The following SLC8A1 variants were observed in gnomAD, a reference collection of about 807,000 sequenced individuals.
SLC8A1 encodes the protein sodium/calcium exchanger 1.
A neutral mutation model predicts 68.3 loss-of-function variants in SLC8A1; 18 were observed. The observed-to-expected ratio is 0.26, with a 90% CI of 0.18 to 0.39. The LOEUF (loss-of-function observed/expected upper bound fraction) is 0.39. SLC8A1 is among the 10% of genes least tolerant of loss of function. The probability of loss-of-function intolerance (pLI) is 1.00; values close to 1 mark genes in which losing one functional copy is unlikely to be tolerated. For missense variants in SLC8A1, 985 were observed against 1,156.7 expected, an observed-to-expected ratio of 0.85 and a Z score of 2.15; for synonymous variants, 475 against 415.5, an observed-to-expected ratio of 1.14 and a Z score of -1.74.
rs74177097 is a variant in SLC8A1 at position 40,232,753 on chromosome 2, G to A, written c.1809-54898C>T. Among the ~76,000 whole-genome samples the A allele has an allele frequency of 1.7e-4, 9 of 52,928 alleles. 1 individual carries two copies. The highest frequency in any genetic ancestry group is 6.0e-4 in the East Asian group (2 of 3,314). The allele number at this position is 52,928 out of a possible 152,430, so 34.7% of individuals were successfully genotyped here. A position where few individuals can be genotyped will look rare whatever the true frequency, so the allele number is the denominator to read the frequency against. On this transcript the variant is annotated intron_variant, in intron 2 of 7. Transcript: ENST00000406785. Reference sequence around the variant, plus strand: ...CTCCCAGTGCTATCCCTCCCCCCCCGCCACCCCACAACAGTCCCCAGAGTG... The same window carrying A: ...CTCCCAGTGCTATCCCTCCCCCCCCACCACCCCACAACAGTCCCCAGAGTG...
chr2:40,443,109 T>C (rs984852941), intron 1 of SLC8A1, among the ~76,000 whole-genome samples: 2 of 151,568 alleles, frequency 1.3e-5, no homozygotes, highest in Non-Finnish European at 2.9e-5. Context: ...TTCTGAGGGG[T>C]TGGGGGCAAG....
At chr2:40,334,498 T>C (rs1027954516) in intron 2 of SLC8A1, among the ~76,000 whole-genome samples, 1 of 152,176 alleles carries the variant, frequency 6.6e-6, no homozygotes, top group African/African-American at 2.4e-5. Flanking sequence ...TTGGATAATA[T>C]ATATGTGCAT....
In SLC8A1 at chr2:40,503,065, A is replaced by G. The variant is rs117923319; in HGVS notation, c.-25+9284T>C. Among the ~76,000 whole-genome samples the G allele has an allele frequency of 5.8e-4, 88 of 152,132 alleles. No homozygotes were observed. In the East Asian group the frequency reaches 0.014, roughly 25 times the overall value. On this transcript the variant is annotated intron_variant, in intron 1 of 7. Transcript: ENST00000402441. Reference sequence around the variant, plus strand: ...GTTTCTTGATCTATTTGATGGGTATATGGGTCAATTCCATTTATGAAAATT... The same window carrying G: ...GTTTCTTGATCTATTTGATGGGTATGTGGGTCAATTCCATTTATGAAAATT...
Position 40,244,625 on chromosome 2 carries a change from C to T in SLC8A1, c.1809-66770G>A, listed in dbSNP as rs901764069. On this transcript the variant is annotated intron_variant, in intron 2 of 7. Coordinates refer to ENST00000406785, the Ensembl canonical transcript of SLC8A1. Reference sequence around the variant, plus strand: ...CACAAACTTTCTGACAGAAAGCACTCGTCAATTTTAGCCTGTCTATGCAAT... The same window carrying T: ...CACAAACTTTCTGACAGAAAGCACTTGTCAATTTTAGCCTGTCTATGCAAT... Among the ~76,000 whole-genome samples the T allele has an allele frequency of 4.1e-5, 6 of 145,722 alleles. No homozygotes were observed. The East Asian group carries it at 5.9e-4, about 14-fold the overall frequency.
At chr2:40,375,390 G>C (rs767265662) in intron 2 of SLC8A1, among the ~76,000 whole-genome samples, 20 of 152,112 alleles carry the variant, frequency 1.3e-4, no homozygotes, top group Non-Finnish European at 2.4e-4. Flanking sequence ...TCTGGAGCAG[G>C]GTGAATTTTC....
At chr2:40,105,690 G>T (rs1311513711) in exon 8 of SLC8A1, 1 of 152,174 alleles carries the variant, frequency 6.6e-6, no homozygotes, top group Non-Finnish European at 1.5e-5. Flanking sequence ...GCACGTGATT[G>T]AGCTGCATGA....
At chr2:40,277,050 G>A (rs933779169) in intron 2 of SLC8A1, among the ~76,000 whole-genome samples, 5 of 152,100 alleles carry the variant, frequency 3.3e-5, no homozygotes, top group African/African-American at 1.2e-4. Flanking sequence ...AAACAATGAT[G>A]GAATCCTGCT....
chr2:40,471,678 T>C (rs897048069), intron 1 of SLC8A1, among the ~76,000 whole-genome samples: 16 of 152,164 alleles, frequency 1.1e-4, no homozygotes, highest in African/African-American at 3.6e-4. Context: ...AAATACCCTA[T>C]TCATGTAACC....
At chr2:40,099,365 C>T (rs3749057) in exon 8 of SLC8A1, 26,214 of 151,798 alleles carry the variant, frequency 0.17, 2,641 homozygotes, top group East Asian at 0.48. Context: ...AGAATAGAAA[C>T]GGAAAAATTC....
chr2:40,139,317 C>A, intron 7 of SLC8A1, 84 bp downstream of exon 10: 1 of 1,480,888 alleles, frequency 6.8e-7, no homozygotes, highest in Non-Finnish European at 9.3e-7. Context: ...GTTATCACAG[C>A]CCTTGAAATT....
chr2:40,122,776 GAC>G (rs1341372787), intron 7 of SLC8A1, among the ~76,000 whole-genome samples: 2 of 152,152 alleles, frequency 1.3e-5, no homozygotes, highest in African/African-American at 4.8e-5. Context: ...TGGAATGAGT[GAC>G]ACATAGATTT....
At chr2:40,423,889 T>C (rs1696170350) in intron 2 of SLC8A1, among the ~76,000 whole-genome samples, 1 of 147,202 alleles carries the variant, frequency 6.8e-6, no homozygotes, top group Non-Finnish European at 1.5e-5. Flanking sequence ...TTGCAGATGA[T>C]ATTATATGTG....
intron 2 of SLC8A1, among the ~76,000 whole-genome samples, chr2:40,350,872 A>T (rs551628419): frequency 3.1e-4 from 47 of 152,244 alleles, no homozygotes; most frequent in African/African-American, 1.1e-3. Context: ...TAAAGAAAAT[A>T]TTATTAATAT....
At chr2:40,164,941 C>A in exon 5 of SLC8A1, 1 of 1,613,978 alleles carries the variant, frequency 6.2e-7, no homozygotes, top group Non-Finnish European at 8.5e-7. Context: ...TGCGCCTCTC[C>A]TCTTCCTCTT....
At chr2:40,313,577 T>A (rs1302578275) in intron 2 of SLC8A1, among the ~76,000 whole-genome samples, 1 of 152,088 alleles carries the variant, frequency 6.6e-6, no homozygotes, top group Non-Finnish European at 1.5e-5. Context: ...GTGGTCAATT[T>A]TTTTTTAATG....
intron 1 of SLC8A1, among the ~76,000 whole-genome samples, chr2:40,503,902 T>C (rs1011817543): frequency 3.3e-5 from 5 of 152,036 alleles, no homozygotes; most frequent in African/African-American, 1.2e-4. Flanking sequence ...ATAGAGTCAA[T>C]GCAATTCCTA....
intron 2 of SLC8A1, among the ~76,000 whole-genome samples, chr2:40,351,801 T>C (rs963260574): frequency 6.6e-6 from 1 of 152,130 alleles, no homozygotes; most frequent in South Asian, 2.1e-4. Flanking sequence ...GTTGTAGAGA[T>C]GGTAGGAATG....
Position 40,224,121 on chromosome 2 carries a change from G to A in SLC8A1, c.1809-46266C>T, listed in dbSNP as rs563062003. On this transcript the variant is annotated intron_variant, in intron 2 of 7. Transcript: ENST00000406785. The stretch of plus-strand genomic sequence containing the variant: ...CTCATACATGATGTTGCTCGGCAGT[G>A]AAATGATAGCTAATTGTCTAGTGCG... 2.5e-4 allele frequency among the ~76,000 whole-genome samples: 38 copies of A among 152,260 alleles called. No individual in the cohort carries two copies. In the South Asian group the frequency reaches 7.5e-3, roughly 30 times the overall value.
intron 2 of SLC8A1, among the ~76,000 whole-genome samples, chr2:40,387,483 C>G (rs756998982): frequency 2.0e-5 from 3 of 151,198 alleles, no homozygotes; most frequent in African/African-American, 7.4e-5. Flanking sequence ...TACAAAACAT[C>G]GCAGACAAAC....
Sources: gnomAD v4.1 joint callset for allele counts (sites outside exome capture counted in the v4.1 genomes callset) on GRCh38, gnomAD v4.1.1 for gene constraint, MANE v1.5 for transcripts, NCBI Gene and HGNC (gene_info 2026-07-23, HGNC 2026-07-21) for gene names.